Variants in MICAL2 observed in about 807,000 individuals in gnomAD.
MICAL2 encodes the protein [F-actin]-monooxygenase MICAL2.
MICAL2 carries 77 observed loss-of-function variants against 127.3 expected under a neutral mutation model. That is an observed-to-expected ratio of 0.60 (90% CI 0.50 to 0.73). The LOEUF (loss-of-function observed/expected upper bound fraction) is 0.73. MICAL2 is among the 30% of genes least tolerant of loss of function. The pLI, the probability that MICAL2 is intolerant of heterozygous loss-of-function variation, is 0.00. For missense variants in MICAL2, 1,351 were observed against 1,434.4 expected (o/e 0.94, Z 0.94); for synonymous variants, 570 against 551.1 (o/e 1.03, Z -0.48).
intron 1 of MICAL2, among the ~76,000 whole-genome samples, chr11:12,277,830 G>A (rs1002464447): frequency 6.6e-6 from 1 of 152,200 alleles, no homozygotes; most frequent in Non-Finnish European, 1.5e-5. Flanking sequence ...TGCAAACCTA[G>A]ATGGGCAAGC....
intron 1 of MICAL2, among the ~76,000 whole-genome samples, chr11:12,113,644 A>G (rs1849770440): frequency 6.6e-6 from 1 of 152,204 alleles, no homozygotes; most frequent in Admixed American, 6.5e-5. Context: ...CCACATTTAC[A>G]TCGCTTTTAT....
chr11:12,112,722 G>A (rs1391163742), intron 1 of MICAL2, among the ~76,000 whole-genome samples: 2 of 151,936 alleles, frequency 1.3e-5, no homozygotes, highest in African/African-American at 4.8e-5. Context: ...ATCATGATAA[G>A]TCATGATTTT....
chr11:12,155,679 C>T (rs560356941), intron 2 of MICAL2, among the ~76,000 whole-genome samples: 66 of 152,324 alleles, frequency 4.3e-4, no homozygotes, highest in African/African-American at 1.2e-3. Flanking sequence ...AAGGCCTTTG[C>T]TTTTTGCAGA....
chr11:12,218,927 C>G lies in MICAL2; in HGVS notation c.949-1274C>G, dbSNP rs150558972. On this transcript the variant is annotated intron_variant, in intron 8 of 27. Transcript: ENST00000683283. ...CCATATCTGGAGCCAGCATGAATTA[C>G]AGGGGACAGGAATTCCCATTCATCG... is the stretch of plus-strand genomic sequence containing the variant. Among the ~76,000 whole-genome samples the G allele has an allele frequency of 1.3e-3, 198 of 152,334 alleles. 1 individual carries two copies. Among genetic ancestry groups the G allele is most frequent in the African/African-American group, 4.6e-3 (192 of 41,576 alleles).
chr11:12,305,283 C>T (rs941763361), intron 29 of MICAL2, among the ~76,000 whole-genome samples: 22 of 152,168 alleles, frequency 1.4e-4, no homozygotes, highest in African/African-American at 5.1e-4. Flanking sequence ...AAAGCATGTG[C>T]GAGAAGCAAA....
intron 34 of MICAL2, among the ~76,000 whole-genome samples, chr11:12,357,427 A>C (rs183415740): frequency 6.6e-6 from 1 of 152,320 alleles, no homozygotes; most frequent in East Asian, 1.9e-4. Flanking sequence ...CAGGTACTCG[A>C]GAAGACAAAG....
At chr11:12,276,236 G>A in intron 1 of MICAL2, 1 of 398,660 alleles carries the variant, frequency 2.5e-6, no homozygotes, top group Non-Finnish European at 4.4e-6. Context: ...TTGGGATTGG[G>A]TCTTCTCTCT....
chr11:12,110,911 C>A lies in MICAL2; in HGVS notation c.-149+185C>A, dbSNP rs1293316579. ...GTGAGCAGGTGGCGCTGCGACGAAGCCCGGGGCGGCCCTGGCCGGCCTCTG... is the reference window on the plus strand; with the variant it reads ...GTGAGCAGGTGGCGCTGCGACGAAGACCGGGGCGGCCCTGGCCGGCCTCTG... On this transcript the variant is annotated intron_variant, in intron 1 of 27. Transcript: ENST00000683283. This position sits in a 1 kb window ranked among gnomAD's most constrained non-coding sequence, Gnocchi z 4.5. 2.0e-5 allele frequency among the ~76,000 whole-genome samples: 3 copies of A among 152,266 alleles called. No individual in the cohort carries two copies. The East Asian group carries it at 5.8e-4, about 29-fold the overall frequency.
intron 1 of MICAL2, among the ~76,000 whole-genome samples, chr11:12,114,325 C>T (rs775041753): frequency 7.9e-5 from 12 of 152,228 alleles, no homozygotes; most frequent in Non-Finnish European, 1.5e-4. Context: ...CACTACTGCA[C>T]GTAACAGAAT....
intron 3 of MICAL2, among the ~76,000 whole-genome samples, chr11:12,201,889 C>T (rs1338912311): frequency 2.0e-5 from 3 of 152,136 alleles, no homozygotes; most frequent in Non-Finnish European, 4.4e-5. Flanking sequence ...GAGGCCAAGG[C>T]GGGCAGATCA....
chr11:12,295,802 A>T (rs1863979316), downstream of MICAL2, among the ~76,000 whole-genome samples: 1 of 152,132 alleles, frequency 6.6e-6, no homozygotes, highest in African/African-American at 2.4e-5. Context: ...TCTGGTGGGT[A>T]TGTTATTTAA....
chr11:12,282,477 A>C (rs745927779), intron 2 of MICAL2, among the ~76,000 whole-genome samples: 4 of 152,196 alleles, frequency 2.6e-5, no homozygotes, highest in Admixed American at 6.5e-5. Context: ...TTACAAGAAA[A>C]ACATAAAACA....
At chr11:12,116,544 C>G (rs1207419879) in intron 1 of MICAL2, among the ~76,000 whole-genome samples, 1 of 152,002 alleles carries the variant, frequency 6.6e-6, no homozygotes. Flanking sequence ...CCTCCCTCCT[C>G]TAGTTTCTGT....
At chr11:12,289,336 G>A (rs535158467), downstream of MICAL2, among the ~76,000 whole-genome samples, 2 of 152,356 alleles carry the variant, frequency 1.3e-5, no homozygotes, top group East Asian at 3.9e-4. Flanking sequence ...GAAACGGCCA[G>A]CAGAGGGGGA....
chr11:12,224,797 C>T lies in MICAL2; in HGVS notation c.1665C>T (p.Ile555=). ...WRSGLALCAI[I]HRFRPELINF... ...GTGGGTTGGCCCTGTGTGCCATCAT[C>T]CACCGCTTCCGGCCTGAGCTCATGT... Residue 555 remains isoleucine, a synonymous_variant, in exon 13 of 28, where the codon ATC becomes ATT. Transcript: ENST00000683283. 1.2e-6 allele frequency: 2 copies of T among 1,613,734 alleles called. No individual in the cohort carries two copies. The highest frequency in any genetic ancestry group is 8.5e-7 in the Non-Finnish European group (1 of 1,179,616).
chr11:12,171,215 C>T (rs1367348731), intron 3 of MICAL2, among the ~76,000 whole-genome samples: 1 of 152,170 alleles, frequency 6.6e-6, no homozygotes, highest in Non-Finnish European at 1.5e-5. Flanking sequence ...AAGACTGAGC[C>T]TCCCTTTTCT....
At chr11:12,236,051 G>A (rs899080143) in intron 15 of MICAL2, 126 bp from the exon 16 acceptor site, 3 of 755,312 alleles carry the variant, frequency 4.0e-6, no homozygotes, top group Admixed American at 2.0e-5. Flanking sequence ...TAGGCTGACA[G>A]CTGTTTGTGG....
chr11:12,201,037 G>C (rs891212603), intron 3 of MICAL2, among the ~76,000 whole-genome samples: 1 of 152,196 alleles, frequency 6.6e-6, no homozygotes, highest in East Asian at 1.9e-4. Flanking sequence ...GCTTGGAGTC[G>C]TGCTTTGAAA....
downstream of MICAL2, among the ~76,000 whole-genome samples, chr11:12,264,268 A>C (rs771330041): frequency 1.3e-5 from 2 of 152,182 alleles, no homozygotes; most frequent in Non-Finnish European, 2.9e-5. Flanking sequence ...AGGACTGGGC[A>C]TCAATATTAG....
Sources: gnomAD v4.1 joint callset for allele counts (sites outside exome capture counted in the v4.1 genomes callset) on GRCh38, gnomAD v4.1.1 for gene constraint, Gnocchi (gnomAD v3.1) non-coding constraint, MANE v1.5 for transcripts, NCBI Gene and HGNC (gene_info 2026-07-23, HGNC 2026-07-21) for gene names.